STPG2: variants seen among roughly 807,000 people sequenced by gnomAD.
The protein encoded by STPG2 is sperm-tail PG-rich repeat-containing protein 2.
In STPG2, 56 loss-of-function variants were observed where a neutral mutation model predicts 54.2. The observed-to-expected ratio is 1.03, with a 90% CI of 0.83 to 1.29. The LOEUF is 1.29. Among genes scored for constraint, STPG2 ranks in the 50% most tolerant of loss-of-function variants. STPG2 has a pLI of 0.00. For missense variants in STPG2, 596 were observed against 544.9 expected (o/e 1.09, Z -0.93); for synonymous variants, 200 against 181.8 (o/e 1.10, Z -0.81).
At chr4:97,483,104 C>T (rs1730266045) in intron 4 of STPG2, among the ~76,000 whole-genome samples, 1 of 151,654 alleles carries the variant, frequency 6.6e-6, no homozygotes, top group Non-Finnish European at 1.5e-5. Context: ...AACAGGACCT[C>T]TTTAAAGCAT....
intron 10 of STPG2, among the ~76,000 whole-genome samples, chr4:97,619,238 T>C (rs1308150228): frequency 3.3e-5 from 5 of 152,032 alleles, no homozygotes; most frequent in Admixed American, 3.3e-4. Flanking sequence ...TGTGTGTGTG[T>C]ATGTGTGTGT....
intron 9 of STPG2, among the ~76,000 whole-genome samples, chr4:97,714,702 G>T (rs895690361): frequency 1.3e-5 from 2 of 151,982 alleles, no homozygotes; most frequent in African/African-American, 4.8e-5. Flanking sequence ...CACAAACTAT[G>T]TAAGGGAAAA....
intron 10 of STPG2, among the ~76,000 whole-genome samples, chr4:97,673,513 T>C (rs1399522195): frequency 1.3e-5 from 2 of 152,174 alleles, no homozygotes; most frequent in Non-Finnish European, 2.9e-5. Context: ...CTTTTCTTTG[T>C]CTAAACTGAT....
chr4:97,496,633 G>A (rs1207959099), intron 4 of STPG2, among the ~76,000 whole-genome samples: 1 of 151,712 alleles, frequency 6.6e-6, no homozygotes, highest in Non-Finnish European at 1.5e-5. Flanking sequence ...ATCATAACGT[G>A]TACCCCCTAT....
At chr4:97,991,087 C>A (rs111300419) in intron 5 of STPG2, among the ~76,000 whole-genome samples, 56 of 152,006 alleles carry the variant, frequency 3.7e-4, no homozygotes, top group Non-Finnish European at 5.9e-4. Context: ...CCCTCGAGTC[C>A]CCGAAGCCCA....
intron 9 of STPG2, among the ~76,000 whole-genome samples, chr4:97,732,101 G>A (rs1724816078): frequency 6.6e-6 from 1 of 152,184 alleles, no homozygotes; most frequent in South Asian, 2.1e-4. Flanking sequence ...CAGCCCTGCA[G>A]TTAGTAGGGG....
At chr4:97,803,812 A>G (rs1578579400) in intron 9 of STPG2, among the ~76,000 whole-genome samples, 2 of 152,188 alleles carry the variant, frequency 1.3e-5, no homozygotes, top group East Asian at 3.9e-4. Context: ...AAGTGCTGCA[A>G]TTACAGGCGT....
intron 9 of STPG2, among the ~76,000 whole-genome samples, chr4:97,737,723 A>G (rs1397439687): frequency 1.3e-5 from 2 of 152,262 alleles, no homozygotes; most frequent in Non-Finnish European, 2.9e-5. Context: ...AAAAGACCAT[A>G]TCTACGTCTC....
chr4:97,775,523 A>T (rs1726349278), intron 9 of STPG2, among the ~76,000 whole-genome samples: 1 of 152,228 alleles, frequency 6.6e-6, no homozygotes, highest in Admixed American at 6.5e-5. Context: ...CTGAATGTAC[A>T]ATGGCAAACA....
intron 7 of STPG2, among the ~76,000 whole-genome samples, chr4:97,946,922 T>C (rs936623593): frequency 6.6e-5 from 10 of 152,172 alleles, no homozygotes; most frequent in African/African-American, 2.4e-4. Context: ...CTTTTAATTC[T>C]GTGAAAAATG....
chr4:98,131,087 G>A (rs1739981273), intron 2 of STPG2, among the ~76,000 whole-genome samples: 2 of 151,990 alleles, frequency 1.3e-5, no homozygotes, highest in Non-Finnish European at 2.9e-5. Flanking sequence ...CTTTATTCAT[G>A]TGGTTTTTTC....
intron 9 of STPG2, among the ~76,000 whole-genome samples, chr4:97,766,289 T>C (rs577478688): frequency 1.3e-5 from 2 of 152,204 alleles, no homozygotes; most frequent in African/African-American, 4.8e-5. Context: ...AGGAAAGGAT[T>C]TCTTTTTAAG....
chr4:97,698,510 G>A (rs961528055), intron 10 of STPG2, among the ~76,000 whole-genome samples: 1 of 152,098 alleles, frequency 6.6e-6, no homozygotes, highest in African/African-American at 2.4e-5. Context: ...TCTCCTGGTG[G>A]CAGCATTCCT....
intron 10 of STPG2, among the ~76,000 whole-genome samples, chr4:97,697,830 T>C (rs2148994655): frequency 6.6e-6 from 1 of 152,348 alleles, no homozygotes; most frequent in Middle Eastern, 3.4e-3. Context: ...GAGTTATCTG[T>C]GCCTTAAGGA....
intron 4 of STPG2, among the ~76,000 whole-genome samples, chr4:97,527,254 G>T (rs1731301207): frequency 6.6e-6 from 1 of 152,024 alleles, no homozygotes; most frequent in Admixed American, 6.6e-5. Flanking sequence ...GTGGGGTTTG[G>T]TTTTCTGTTC....
In STPG2 at chr4:98,024,423, G is replaced by T. The variant is rs187061437; in HGVS notation, c.613-43105C>A. ...TAACACCCTTCCATAACATTAATAG[G>T]TCACTGCTGATCTCAATGAAAGTTT... is the stretch of plus-strand genomic sequence containing the variant. On this transcript the variant is annotated intron_variant, in intron 5 of 10. Coordinates refer to ENST00000295268, the MANE Select transcript of STPG2 (RefSeq NM_174952.3). Among the ~76,000 whole-genome samples the T allele has an allele frequency of 4.3e-3, 649 of 152,184 alleles. 3 individuals carry two copies. Among genetic ancestry groups the T allele is most frequent in the South Asian group, 0.025 (120 of 4,816 alleles).
chr4:97,583,403 T>A (rs549301998), intron 10 of STPG2, among the ~76,000 whole-genome samples: 1 of 152,074 alleles, frequency 6.6e-6, no homozygotes, highest in South Asian at 2.1e-4. Flanking sequence ...TAACAGAAAT[T>A]GAATTAACAG....
intron 10 of STPG2, among the ~76,000 whole-genome samples, chr4:97,567,189 A>AACACACAC (rs142654573): frequency 1.4e-5 from 2 of 145,384 alleles, no homozygotes; most frequent in African/African-American, 5.0e-5. Flanking sequence ...TCATAGCTGT[A>AACACACAC]ACACACACAC....
intron 9 of STPG2, among the ~76,000 whole-genome samples, chr4:97,840,030 C>T (rs538707019): frequency 4.6e-5 from 7 of 151,520 alleles, no homozygotes; most frequent in Non-Finnish European, 1.0e-4. Flanking sequence ...TCTTCATTTC[C>T]AGCAAGTGTT....
Sources: gnomAD v4.1 joint callset for allele counts (sites outside exome capture counted in the v4.1 genomes callset) on GRCh38, gnomAD v4.1.1 for gene constraint, MANE v1.5 for transcripts, NCBI Gene and HGNC (gene_info 2026-07-23, HGNC 2026-07-21) for gene names.